Variants in TTC32 observed in about 807,000 individuals in gnomAD.
The protein encoded by TTC32 is tetratricopeptide repeat domain 32.
In TTC32, 16 loss-of-function variants were observed where a neutral mutation model predicts 15.3. That is an observed-to-expected ratio of 1.05 (90% CI 0.71 to 1.59). The LOEUF (loss-of-function observed/expected upper bound fraction) is 1.59. Among genes scored for constraint, TTC32 ranks in the 40% most tolerant of loss-of-function variants. TTC32 has a pLI of 0.00. For missense variants in TTC32, 188 were observed against 181.9 expected, an observed-to-expected ratio of 1.03 and a Z score of -0.19; for synonymous variants, 89 against 67.8, an observed-to-expected ratio of 1.31 and a Z score of -1.53.
At chr2:19,897,518 C>T (rs1669530214) in intron 2 of TTC32, among the ~76,000 whole-genome samples, 2 of 152,180 alleles carry the variant, frequency 1.3e-5, no homozygotes, top group Admixed American at 6.5e-5. Flanking sequence ...AGAATCTAAA[C>T]TTCACTTTCT....
intron 1 of TTC32, among the ~76,000 whole-genome samples, chr2:19,899,187 T>G (rs1039039549): frequency 6.6e-6 from 1 of 152,168 alleles, no homozygotes; most frequent in African/African-American, 2.4e-5. Flanking sequence ...TTAGAAAACG[T>G]CTATTCTATG....
intron 1 of TTC32, among the ~76,000 whole-genome samples, chr2:19,900,066 T>A (rs779086206): frequency 2.0e-5 from 3 of 152,226 alleles, no homozygotes; most frequent in Non-Finnish European, 4.4e-5. Flanking sequence ...TCCCTTCTAC[T>A]GCGCTATGAC....
rs199997648 is a variant in TTC32, at chr2:19,901,761, A to G, written c.94T>C (p.Ser32Pro). 6.2e-7 allele frequency: 1 copy of G among 1,614,080 alleles called. No individual in the cohort carries two copies. The highest frequency in any genetic ancestry group is 8.5e-7 in the Non-Finnish European group (1 of 1,179,968). ...CAAGCGCACCGGCGAATGTAAGCGG[A>G]GTACAGTGCCTCGGCCTCCGCGTAC... ...GEYAEAEALY[S>P]AYIRRCACAA... is the part of the protein sequence containing the mutation. Residue 32 changes from serine (S) to proline (P), a missense_variant, in exon 1 of 3, where the codon TCC becomes CCC. By Grantham distance (74) the Ser-to-Pro change is moderately conservative. Coordinates refer to ENST00000333610, the MANE Select transcript of TTC32 (RefSeq NM_001008237.3).
intron 1 of TTC32, 128 bp downstream of exon 1, chr2:19,901,578 C>T (rs1669604609): frequency 1.6e-6 from 2 of 1,283,140 alleles, no homozygotes; most frequent in Non-Finnish European, 1.1e-6. Context: ...AACGTCCGCC[C>T]GCTCAGTCCT....
At chr2:19,900,646 A>G (rs1400691170) in intron 1 of TTC32, among the ~76,000 whole-genome samples, 1 of 152,232 alleles carries the variant, frequency 6.6e-6, no homozygotes, top group Non-Finnish European at 1.5e-5. Context: ...ACATCCAGGC[A>G]CAAGCCGAAA....
At chr2:19,901,544 C>T in intron 1 of TTC32, 162 bp downstream of exon 1, 1 of 968,476 alleles carries the variant, frequency 1.0e-6, no homozygotes, top group Non-Finnish European at 1.5e-6. Flanking sequence ...TCCTAGGCCT[C>T]GCCTAGGCCT....
At position 19,897,166 on chromosome 2, in the gene TTC32, C is replaced by T. The variant is rs371331711; in HGVS notation, c.317-40G>A. 36 of 1,563,712 alleles carry T rather than the reference C, an allele frequency of 2.3e-5. No individual in the cohort carries two copies. In the African/African-American group the frequency reaches 4.1e-4, roughly 18 times the overall value. On this transcript the variant is annotated intron_variant, in intron 2 of 2. Transcript: ENST00000333610. ...AAAAAATGGAAAAGAGAAAAGAAAC[C>T]GAGTATTTCTATATATTATTCATGG...
intron 1 of TTC32, among the ~76,000 whole-genome samples, chr2:19,899,595 A>G (rs113679538): frequency 1.3e-5 from 2 of 151,592 alleles, no homozygotes; most frequent in African/African-American, 4.8e-5. Context: ...TAATGATAGT[A>G]TTTATTATAA....
Position 19,898,032 on chromosome 2 carries a change from T to C in TTC32, c.153A>G (p.Lys51=), listed in dbSNP as rs201831503. 1.5e-5 allele frequency: 22 copies of C among 1,515,388 alleles called. No homozygotes were observed. Among genetic ancestry groups the C allele is most frequent in the African/African-American group, 4.2e-5 (3 of 71,990 alleles). 93.9% of individuals were successfully genotyped at this position (1,515,388 alleles called of 1,614,324 possible). A position where few individuals can be genotyped will look rare whatever the true frequency, so the allele number is the denominator to read the frequency against. The change falls in exon 2 of 3, where the codon AAA becomes AAG. Residue 51 remains lysine, a synonymous_variant. Transcript: ENST00000333610. The part of the protein sequence containing the change: ...AASSDESPGS[K]CSPEDLATAY... ...CAGTAGCCAAATCCTCAGGGCTGCA[T>C]TTGCTTTAAACAAAAAGTTCACATT...
intron 1 of TTC32, among the ~76,000 whole-genome samples, chr2:19,900,709 A>G (rs1277101092): frequency 1.3e-5 from 2 of 152,246 alleles, no homozygotes; most frequent in Non-Finnish European, 2.9e-5. Context: ...CATCACAAAG[A>G]GAAAGTCAGC....
Position 19,901,819 on chromosome 2 carries a change from T to G in TTC32, c.36A>C (p.Leu12=), listed in dbSNP as rs1031057748. The change falls in exon 1 of 3, where the codon CTA becomes CTC. Residue 12 remains leucine (L), a synonymous_variant. Coordinates refer to ENST00000333610, the MANE Select transcript of TTC32 (RefSeq NM_001008237.3). ...TGTTGAAATGAGCCTGGGCGAGTGTTAGGGTTGCGTGGCTTTCTTGCCGCT... is the reference window on the plus strand; with the variant it reads ...TGTTGAAATGAGCCTGGGCGAGTGTGAGGGTTGCGTGGCTTTCTTGCCGCT... ...EGQRQESHAT[L]TLAQAHFNNG... is the part of the protein sequence containing the mutation. 12 of 1,614,164 alleles carry G rather than the reference T, an allele frequency of 7.4e-6. No individual in the cohort carries two copies. Among genetic ancestry groups the G allele is most frequent in the Middle Eastern group, 3.3e-4 (2 of 6,062 alleles).
chr2:19,896,963 A>G lies in TTC32; in HGVS notation c.*24T>C. On this transcript the variant is annotated 3_prime_UTR_variant, in exon 3 of 3. Coordinates refer to ENST00000333610, the MANE Select transcript of TTC32 (RefSeq NM_001008237.3). ...GATGCAGATGTAAGGATCATGAATC[A>G]ATACTTCCATTAAGTTAAAAATATC... 6.5e-7 allele frequency: 1 copy of G among 1,545,930 alleles called. No homozygotes were observed. Among genetic ancestry groups the G allele is most frequent in the Non-Finnish European group, 8.8e-7 (1 of 1,135,798 alleles).
chr2:19,901,806 C>T lies in TTC32; in HGVS notation c.49G>A (p.Ala17Thr), dbSNP rs770874088. Residue 17 changes from alanine (A) to threonine (T), a missense_variant, in exon 1 of 3, where the codon GCT (alanine) becomes ACT (threonine). Physicochemically the swap from Ala to Thr is moderately conservative, Grantham distance 58. Coordinates refer to ENST00000333610, the MANE Select transcript of TTC32 (RefSeq NM_001008237.3). ...GCGTACTCTCCATTGTTGAAATGAGCCTGGGCGAGTGTTAGGGTTGCGTGG... is the reference window on the plus strand; with the variant it reads ...GCGTACTCTCCATTGTTGAAATGAGTCTGGGCGAGTGTTAGGGTTGCGTGG... Reference protein sequence around the residue: ...ESHATLTLAQAHFNNGEYAEA... With the variant: ...ESHATLTLAQTHFNNGEYAEA... The T allele has an allele frequency of 3.1e-6, 5 of 1,614,178 alleles. No individual in the cohort carries two copies. In the South Asian group the frequency reaches 3.3e-5, roughly 11 times the overall value.
chr2:19,899,358 G>C (rs1343756349), intron 1 of TTC32, among the ~76,000 whole-genome samples: 1 of 152,096 alleles, frequency 6.6e-6, no homozygotes, highest in African/African-American at 2.4e-5. Context: ...GCAATCTCAG[G>C]ATGCCAGTAA....
At chr2:19,899,274 G>A (rs1035748529) in intron 1 of TTC32, among the ~76,000 whole-genome samples, 2 of 152,082 alleles carry the variant, frequency 1.3e-5, no homozygotes, top group Admixed American at 1.3e-4. Context: ...ATTACAAGAC[G>A]GTACCACTCC....
chr2:19,901,955 C>G lies in TTC32; in HGVS notation c.-101G>C. 1 of 1,440,460 alleles carries G rather than the reference C, an allele frequency of 6.9e-7. No homozygotes were observed. The highest frequency in any genetic ancestry group is 1.9e-5 in the Admixed American group (1 of 51,854). 89.2% of individuals were successfully genotyped at this position (1,440,460 alleles called of 1,614,324 possible). A position where few individuals can be genotyped will look rare whatever the true frequency, so the allele number is the denominator to read the frequency against. On this transcript the variant is annotated 5_prime_UTR_variant, in exon 1 of 3. Transcript: ENST00000333610. ...TTCCACACCCTGGAATCTACCTTGA[C>G]AGCCAACCTTGGCGCTAGGTTTGTG...
intron 1 of TTC32, 76 bp downstream of exon 1, chr2:19,901,630 C>G (rs1436632071): frequency 6.5e-6 from 10 of 1,541,052 alleles, no homozygotes; most frequent in South Asian, 2.4e-5. Context: ...GCTCCAGAGG[C>G]AAAGATAGGA....
rs114921715 is a variant in TTC32 at position 19,901,882 on chromosome 2, G to C, written c.-28C>G. The C allele has an allele frequency of 6.2e-7, 1 of 1,613,314 alleles. No individual in the cohort carries two copies. The highest frequency in any genetic ancestry group is 1.3e-5 in the African/African-American group (1 of 74,924). Reference sequence around the variant, plus strand: ...CAGCCAAGGCCTAGTTTTCGGTGTAGAATGGGGGTTGACCTCCGAGCGGTT... The same window carrying C: ...CAGCCAAGGCCTAGTTTTCGGTGTACAATGGGGGTTGACCTCCGAGCGGTT... On this transcript the variant is annotated 5_prime_UTR_variant, in exon 1 of 3. Transcript: ENST00000333610.
At chr2:19,899,213 T>A (rs1669559536) in intron 1 of TTC32, among the ~76,000 whole-genome samples, 2 of 152,160 alleles carry the variant, frequency 1.3e-5, no homozygotes, top group African/African-American at 2.4e-5. Flanking sequence ...TGATGGAGAC[T>A]GGATGTAGGG....
Sources: gnomAD v4.1 joint callset for allele counts (sites outside exome capture counted in the v4.1 genomes callset) on GRCh38, gnomAD v4.1.1 for gene constraint, MANE v1.5 for transcripts, NCBI Gene and HGNC (gene_info 2026-07-23, HGNC 2026-07-21) for gene names.